The following MAPK6 variants were observed in gnomAD, a reference collection of about 807,000 sequenced individuals.
The protein encoded by MAPK6 is mitogen-activated protein kinase 6, also known as ERK-3.
A neutral mutation model predicts 59.3 loss-of-function variants in MAPK6; 19 were observed. The observed-to-expected ratio is 0.32, with a 90% CI of 0.22 to 0.47. MAPK6 has a LOEUF of 0.47. Ranked by LOEUF, MAPK6 falls within the 20% of genes least tolerant of loss-of-function variation. MAPK6 has a pLI of 1.00. For synonymous variants in MAPK6, 316 were observed against 290.3 expected, an observed-to-expected ratio of 1.09 and a Z score of -0.90; for missense variants, 724 against 847.9, an observed-to-expected ratio of 0.85 and a Z score of 1.81.
intron 1 of MAPK6, among the ~76,000 whole-genome samples, chr15:51,974,803 C>T (rs1241317146): frequency 2.7e-5 from 4 of 150,940 alleles, no homozygotes; most frequent in African/African-American, 4.8e-5. Flanking sequence ...CTGCAACCTC[C>T]GCCTCCCGGC....
intron 1 of MAPK6, among the ~76,000 whole-genome samples, chr15:52,029,397 T>G (rs1160330713): frequency 6.6e-6 from 1 of 151,336 alleles, no homozygotes; most frequent in African/African-American, 2.4e-5. Flanking sequence ...AACTCCTGGG[T>G]TTTTTTTTCA....
chr15:51,992,301 ATATATTTT>A (rs1204467965), intron 2 of MAPK6, among the ~76,000 whole-genome samples: 1 of 85,504 alleles, frequency 1.2e-5, no homozygotes, highest in Admixed American at 1.4e-4. Context: ...CTATATATAT[ATATATTTT>A]TTTTTTTTTT....
intron 3 of MAPK6, among the ~76,000 whole-genome samples, chr15:52,056,311 C>T (rs1015970187): frequency 6.6e-6 from 1 of 152,202 alleles, no homozygotes; most frequent in Non-Finnish European, 1.5e-5. Flanking sequence ...TGCTAGATCA[C>T]TTTTATCAGT....
chr15:52,017,077 C>G (rs906376241), upstream of MAPK6: 1 of 145,788 alleles, frequency 6.9e-6, no homozygotes, highest in Non-Finnish European at 1.5e-5. Flanking sequence ...AACAAACAAA[C>G]AAAAACCAGA....
At chr15:52,047,595 G>A (rs1010707665) in intron 2 of MAPK6, among the ~76,000 whole-genome samples, 7 of 149,776 alleles carry the variant, frequency 4.7e-5, no homozygotes, top group Non-Finnish European at 8.9e-5. Context: ...ATCTGCCTGC[G>A]TCAGCCTCCC....
At chr15:52,006,418 A>T (rs1380447013) in intron 3 of MAPK6, among the ~76,000 whole-genome samples, 1 of 152,256 alleles carries the variant, frequency 6.6e-6, no homozygotes, top group African/African-American at 2.4e-5. Context: ...AGAATTAAAT[A>T]AGGGGAAATT....
chr15:51,975,057 C>T (rs2057153496), intron 1 of MAPK6, among the ~76,000 whole-genome samples: 1 of 151,716 alleles, frequency 6.6e-6, no homozygotes, highest in African/African-American at 2.4e-5. Context: ...AATAAAACAA[C>T]TTCAGAGTGG....
chr15:52,051,128 G>A (rs990009501), intron 3 of MAPK6, among the ~76,000 whole-genome samples: 1 of 151,846 alleles, frequency 6.6e-6, no homozygotes, highest in African/African-American at 2.4e-5. Context: ...TGCGATTTCT[G>A]CTCACTGCAA....
chr15:51,993,361 A>T (rs1161233234), intron 2 of MAPK6, among the ~76,000 whole-genome samples: 1 of 152,182 alleles, frequency 6.6e-6, no homozygotes, highest in Non-Finnish European at 1.5e-5. Flanking sequence ...TACATCAGGA[A>T]CTGCAAATGA....
intron 4 of MAPK6, among the ~76,000 whole-genome samples, chr15:52,060,558 G>A (rs1260079589): frequency 6.6e-6 from 1 of 152,150 alleles, no homozygotes; most frequent in Non-Finnish European, 1.5e-5. Context: ...AGAGTAGATG[G>A]TGGTGGTGAT....
chr15:51,982,014 G>A (rs1002124081), intron 1 of MAPK6, among the ~76,000 whole-genome samples: 1 of 152,074 alleles, frequency 6.6e-6, no homozygotes, highest in Non-Finnish European at 1.5e-5. Flanking sequence ...GGGAAATATT[G>A]AAACAAAAAT....
intron 2 of MAPK6, among the ~76,000 whole-genome samples, chr15:51,997,951 T>C: frequency 6.6e-6 from 1 of 151,480 alleles, no homozygotes; most frequent in Admixed American, 6.6e-5. Context: ...CTTTCTTTCT[T>C]TTTTTCTTTT....
chr15:51,995,737 G>A (rs965641283), intron 2 of MAPK6, among the ~76,000 whole-genome samples: 1 of 152,060 alleles, frequency 6.6e-6, no homozygotes, highest in Non-Finnish European at 1.5e-5. Context: ...AGAATATCCT[G>A]CCCAACATGG....
intron 1 of MAPK6, among the ~76,000 whole-genome samples, chr15:51,973,438 C>G (rs1200222804): frequency 6.6e-6 from 1 of 151,816 alleles, no homozygotes; most frequent in Non-Finnish European, 1.5e-5. Context: ...AACTCCTGGC[C>G]TCAAGAGGTC....
chr15:52,065,244 A>T lies in MAPK6; in HGVS notation c.*244A>T. On this transcript the variant is annotated 3_prime_UTR_variant, in exon 6 of 6. Transcript: ENST00000261845. ...CAAAATAATGCAACGCAGGAGGAGA[A>T]AAGAAATGCACTAAGACAAGAACAT... 2.6e-6 allele frequency: 1 copy of T among 378,232 alleles called. No individual in the cohort carries two copies. Among genetic ancestry groups the T allele is most frequent in the Non-Finnish European group, 4.7e-6 (1 of 212,066 alleles). 23.4% of individuals were successfully genotyped at this position (378,232 alleles called of 1,614,324 possible). A position where few individuals can be genotyped will look rare whatever the true frequency, so the allele number is the denominator to read the frequency against.
At chr15:52,059,735 C>T (rs1044625660) in intron 4 of MAPK6, among the ~76,000 whole-genome samples, 1 of 152,188 alleles carries the variant, frequency 6.6e-6, no homozygotes, top group Non-Finnish European at 1.5e-5. Flanking sequence ...GTTTATTAAC[C>T]ATTGAGCAAA....
At chr15:52,010,467 G>T (rs940596729) in intron 3 of MAPK6, among the ~76,000 whole-genome samples, 19 of 150,350 alleles carry the variant, frequency 1.3e-4, no homozygotes, top group Admixed American at 3.3e-4. Context: ...CACCCAACTC[G>T]GCCTTCCAAA....
At position 51,989,076 on chromosome 15, in the gene MAPK6, A is replaced by C. The variant is rs1048121237; in HGVS notation, c.-770+5761A>C. On this transcript the variant is annotated intron_variant, in intron 2 of 7. Transcript: ENST00000691380. ...GGATAATCACTCCATCTCAAAATCC[A>C]TAATTTTTTTTTTTTTTTTTTGAGA... Among the ~76,000 whole-genome samples, 89 of 133,502 alleles carry C rather than the reference A, an allele frequency of 6.7e-4. 1 individual carries two copies. Among genetic ancestry groups the C allele is most frequent in the Admixed American group, 4.4e-3 (55 of 12,486 alleles). 87.6% of individuals were successfully genotyped at this position (133,502 alleles called of 152,430 possible).
rs1369129935 is a variant in MAPK6 at position 52,065,412 on chromosome 15, C to T, written c.*412C>T. 1 of 156,658 alleles carries T rather than the reference C, an allele frequency of 6.4e-6. No homozygotes were observed. Among genetic ancestry groups the T allele is most frequent in the Non-Finnish European group, 1.4e-5 (1 of 70,816 alleles). The allele number at this position is 156,658 out of a possible 1,614,324, so 9.7% of individuals were successfully genotyped here. A position where few individuals can be genotyped will look rare whatever the true frequency, so the allele number is the denominator to read the frequency against. On this transcript the variant is annotated 3_prime_UTR_variant, in exon 6 of 6. Coordinates refer to ENST00000261845, the MANE Select transcript of MAPK6 (RefSeq NM_002748.4). ...CATGAATATTTTCAAGTTTTTCATA[C>T]TGTACACATTTCTTAAAACACATGA...
Sources: allele counts gnomAD v4.1 joint callset (sites outside exome capture counted in the v4.1 genomes callset), GRCh38; gene constraint gnomAD v4.1.1; transcripts MANE v1.5; gene names NCBI Gene and HGNC (gene_info 2026-07-23, HGNC 2026-07-21).